NEDD4: variants seen among roughly 807,000 people sequenced by gnomAD.
The protein encoded by NEDD4 is E3 ubiquitin-protein ligase NEDD4.
A neutral mutation model predicts 144.9 loss-of-function variants in NEDD4; 99 were observed. The observed-to-expected ratio is 0.68, with a 90% CI of 0.58 to 0.81. The LOEUF (loss-of-function observed/expected upper bound fraction) is 0.81, where lower values mean the gene tolerates loss of function less well. Ranked by LOEUF, NEDD4 falls within the 30% of genes least tolerant of loss-of-function variation. The pLI is 0.00. For synonymous variants in NEDD4, 318 were observed against 350.6 expected, an observed-to-expected ratio of 0.91 and a Z score of 1.04; for missense variants, 985 against 1,065.9, an observed-to-expected ratio of 0.92 and a Z score of 1.06.
intron 18 of NEDD4, 34 bp downstream of exon 18, chr15:55,846,935 T>A (rs1233962417): frequency 1.6e-6 from 2 of 1,275,468 alleles, no homozygotes; most frequent in Non-Finnish European, 2.3e-6. Context: ...TATATATTGA[T>A]GACTCTTAAG....
intron 8 of NEDD4, among the ~76,000 whole-genome samples, chr15:55,865,091 G>A (rs1226986509): frequency 6.6e-6 from 1 of 151,102 alleles, no homozygotes; most frequent in African/African-American, 2.4e-5. Flanking sequence ...CCAGCTACTC[G>A]AGAGGCTGGG....
chr15:55,838,092 T>C lies in NEDD4; in HGVS notation c.2201+15A>G, dbSNP rs2033296818. The C allele has an allele frequency of 1.5e-6, 2 of 1,345,322 alleles. No homozygotes were observed. Among genetic ancestry groups the C allele is most frequent in the Admixed American group, 4.0e-5 (2 of 49,634 alleles). 83.3% of individuals were successfully genotyped at this position (1,345,322 alleles called of 1,614,324 possible). A position where few individuals can be genotyped will look rare whatever the true frequency, so the allele number is the denominator to read the frequency against. On this transcript the variant is annotated intron_variant, in intron 23 of 28. Transcript: ENST00000435532. ...AAATTATATCCAATAAAATACATAC[T>C]AATAAAATACTTACTAAATATATTC...
chr15:55,916,137 C>T, intron 5 of NEDD4: 1 of 1,613,820 alleles, frequency 6.2e-7, no homozygotes, highest in East Asian at 2.2e-5. Context: ...AGGATCTGTA[C>T]TTGTACTTCT....
chr15:55,897,609 G>C (rs1399991979), intron 5 of NEDD4, among the ~76,000 whole-genome samples: 1 of 152,190 alleles, frequency 6.6e-6, no homozygotes, highest in South Asian at 2.1e-4. Flanking sequence ...CCTGCAATCT[G>C]ACTGCCTTCT....
At chr15:55,862,324 T>C (rs1219853083) in intron 9 of NEDD4, among the ~76,000 whole-genome samples, 1 of 152,078 alleles carries the variant, frequency 6.6e-6, no homozygotes, top group East Asian at 1.9e-4. Context: ...GATTTGAGAA[T>C]AAATATGAAT....
intron 5 of NEDD4, chr15:55,915,312 C>T (rs768786409): frequency 3.1e-6 from 5 of 1,600,440 alleles, no homozygotes; most frequent in Non-Finnish European, 3.4e-6. Flanking sequence ...TTCATTTGTG[C>T]AATCTCTGTT....
chr15:55,914,648 C>T (rs1355499946), intron 5 of NEDD4, among the ~76,000 whole-genome samples: 1 of 151,754 alleles, frequency 6.6e-6, no homozygotes, highest in African/African-American at 2.4e-5. Flanking sequence ...AACAAAATTC[C>T]TGTGGTTAAG....
chr15:55,984,507 C>T (rs2037858263), intron 1 of NEDD4, among the ~76,000 whole-genome samples: 1 of 152,190 alleles, frequency 6.6e-6, no homozygotes, highest in Non-Finnish European at 1.5e-5. Context: ...TTTAGGTTGA[C>T]TCTTTTTCCC....
intron 2 of NEDD4, among the ~76,000 whole-genome samples, chr15:55,961,594 C>T (rs564485988): frequency 6.6e-6 from 1 of 152,184 alleles, no homozygotes; most frequent in Admixed American, 6.5e-5. Flanking sequence ...CCTCAGCCTC[C>T]CGAGCAGCTG....
chr15:55,906,351 T>A (rs1292294940), intron 5 of NEDD4, among the ~76,000 whole-genome samples: 1 of 152,200 alleles, frequency 6.6e-6, no homozygotes, highest in Non-Finnish European at 1.5e-5. Context: ...ATTGCAGCAC[T>A]ATTCACAATA....
At chr15:55,924,502 C>A in intron 5 of NEDD4, 144 bp downstream of exon 5, 1 of 645,472 alleles carries the variant, frequency 1.5e-6, no homozygotes, top group Non-Finnish European at 2.7e-6. Context: ...AAAACAAATT[C>A]TATCTCCCTC....
intron 5 of NEDD4, among the ~76,000 whole-genome samples, chr15:55,878,853 G>A (rs1038671901): frequency 2.0e-5 from 3 of 152,174 alleles, no homozygotes; most frequent in Non-Finnish European, 2.9e-5. Context: ...ACGGAGTTTC[G>A]CTCTTGTCGC....
intron 2 of NEDD4, among the ~76,000 whole-genome samples, chr15:55,955,941 G>A (rs1456383952): frequency 3.3e-5 from 5 of 150,440 alleles, no homozygotes; most frequent in African/African-American, 9.8e-5. Context: ...TCAGCCTCCT[G>A]AGTAGCTGGG....
intron 5 of NEDD4, among the ~76,000 whole-genome samples, chr15:55,902,899 G>C (rs1295258698): frequency 6.6e-6 from 1 of 152,132 alleles, no homozygotes; most frequent in African/African-American, 2.4e-5. Flanking sequence ...TAGTCAGGAG[G>C]CTGAGGCAGC....
At chr15:55,915,324 C>T in intron 5 of NEDD4, 1 of 1,607,464 alleles carries the variant, frequency 6.2e-7, no homozygotes, top group East Asian at 2.2e-5. Context: ...ATCTCTGTTG[C>T]TGTCTCTTGA....
chr15:55,991,453 C>G (rs1377412285), intron 1 of NEDD4, among the ~76,000 whole-genome samples: 1 of 152,180 alleles, frequency 6.6e-6, no homozygotes, highest in Non-Finnish European at 1.5e-5. Context: ...TCTTTTTTCC[C>G]TCTCTATCCC....
chr15:55,992,721 T>C (rs2038007599), intron 1 of NEDD4, among the ~76,000 whole-genome samples: 2 of 152,220 alleles, frequency 1.3e-5, no homozygotes, highest in South Asian at 4.1e-4. Context: ...TCGTACAATA[T>C]TTTTAATAAG....
intron 1 of NEDD4, among the ~76,000 whole-genome samples, chr15:55,970,048 A>C (rs1283421317): frequency 6.6e-6 from 1 of 152,114 alleles, no homozygotes; most frequent in African/African-American, 2.4e-5. Context: ...AAAGGGAGAG[A>C]CCCAGGCCTG....
chr15:55,919,881 T>C (rs922492068), intron 5 of NEDD4, among the ~76,000 whole-genome samples: 1 of 152,182 alleles, frequency 6.6e-6, no homozygotes, highest in Non-Finnish European at 1.5e-5. Context: ...TGGTTAATTG[T>C]ATGTATCAAC....
Sources: gnomAD v4.1 joint callset for allele counts (sites outside exome capture counted in the v4.1 genomes callset) on GRCh38, gnomAD v4.1.1 for gene constraint, MANE v1.5 for transcripts, NCBI Gene and HGNC (gene_info 2026-07-23, HGNC 2026-07-21) for gene names.